Variants in TNFRSF11A observed in about 807,000 individuals in gnomAD.
TNFRSF11A encodes tumor necrosis factor receptor superfamily member 11A.
In TNFRSF11A, 32 loss-of-function variants were observed where a neutral mutation model predicts 55.7. That is an observed-to-expected ratio of 0.57 (90% CI 0.43 to 0.77). TNFRSF11A has a LOEUF of 0.77. Among genes scored for constraint, TNFRSF11A ranks in the 30% least tolerant of loss-of-function variants. TNFRSF11A has a pLI of 0.00. For missense variants in TNFRSF11A, 753 were observed against 809.8 expected (o/e 0.93, Z 0.85); for synonymous variants, 311 against 331.0 (o/e 0.94, Z 0.65).
intron 4 of TNFRSF11A, among the ~76,000 whole-genome samples, chr18:62,355,396 G>A (rs1909185151): frequency 6.6e-6 from 1 of 152,058 alleles, no homozygotes; most frequent in East Asian, 1.9e-4. Context: ...TCCTGCCTCA[G>A]CCTCTTGAAT....
At chr18:62,326,834 G>C (rs922890951) in intron 1 of TNFRSF11A, among the ~76,000 whole-genome samples, 3 of 152,118 alleles carry the variant, frequency 2.0e-5, no homozygotes, top group African/African-American at 7.2e-5. Context: ...CTAGGGGAGC[G>C]AACCTTCTAG....
chr18:62,385,798 T>A lies in TNFRSF11A; in HGVS notation c.*764T>A, dbSNP rs888211936. 28 of 152,418 alleles carry A rather than the reference T, an allele frequency of 1.8e-4. No homozygotes were observed. The highest frequency in any genetic ancestry group is 6.3e-4 in the African/African-American group (26 of 41,580). 9.4% of individuals were successfully genotyped at this position (152,418 alleles called of 1,614,324 possible). A position where few individuals can be genotyped will look rare whatever the true frequency, so the allele number is the denominator to read the frequency against. On this transcript the variant is annotated 3_prime_UTR_variant, in exon 10 of 10. Coordinates refer to ENST00000586569, the MANE Select transcript of TNFRSF11A (RefSeq NM_003839.4). ...CCCCACGCTGGCCTGCTTTACGTAT[T>A]TTCTTTTGTGCCCCTGCTCACAGTG...
rs1911772231 is a variant in TNFRSF11A, at chr18:62,386,880, C to G, written c.*1846C>G. 6.6e-6 allele frequency: 1 copy of G among 152,172 alleles called. No homozygotes were observed. Among genetic ancestry groups the G allele is most frequent in the Admixed American group, 6.5e-5 (1 of 15,272 alleles). The allele number at this position is 152,172 out of a possible 1,614,324, so 9.4% of individuals were successfully genotyped here. On this transcript the variant is annotated 3_prime_UTR_variant, in exon 10 of 10. Coordinates refer to ENST00000586569, the MANE Select transcript of TNFRSF11A (RefSeq NM_003839.4). ...TGGTGGGAATTTACCGTCATTCCTG[C>G]CCTTTTATTTAACATCATCCACAGA...
At chr18:62,326,250 G>T (rs1400427798) in intron 1 of TNFRSF11A, among the ~76,000 whole-genome samples, 1 of 152,182 alleles carries the variant, frequency 6.6e-6, no homozygotes, top group Non-Finnish European at 1.5e-5. Flanking sequence ...TTAACACTAG[G>T]TTAGGCTGCT....
chr18:62,366,146 C>T (rs765671326), intron 7 of TNFRSF11A, among the ~76,000 whole-genome samples: 3 of 152,174 alleles, frequency 2.0e-5, no homozygotes, highest in Non-Finnish European at 4.4e-5. Flanking sequence ...AGTTGATTTA[C>T]TTTTAAATGC....
intron 7 of TNFRSF11A, among the ~76,000 whole-genome samples, chr18:62,364,530 T>C (rs4303637): frequency 0.28 from 42,133 of 151,982 alleles, 6,663 homozygotes; most frequent in East Asian, 0.44. Context: ...ATGGCAGGTC[T>C]GCATGTTTAT....
In TNFRSF11A at chr18:62,366,757, T is replaced by C; in HGVS notation, c.780T>C (p.Asp260=). The C allele has an allele frequency of 6.2e-7, 1 of 1,614,130 alleles. No homozygotes were observed. Among genetic ancestry groups the C allele is most frequent in the Non-Finnish European group, 8.5e-7 (1 of 1,179,986 alleles). Residue 260 remains aspartate (D), a synonymous_variant, in exon 8 of 10, where the codon GAT becomes GAC. Transcript: ENST00000586569. ...INEACGRLSG[D]KESSGDSCVS... is the part of the protein sequence containing the mutation. ...AGGCTTGTGGCCGCCTAAGTGGAGA[T>C]AAGGTAGAGTGAACAGTTGTTGGTG...
intron 9 of TNFRSF11A, among the ~76,000 whole-genome samples, chr18:62,370,956 A>C (rs976637871): frequency 2.0e-5 from 3 of 151,766 alleles, no homozygotes; most frequent in African/African-American, 7.3e-5. Context: ...CAGCCTCCCG[A>C]GTGGCTGGGA....
chr18:62,339,575 A>G (rs909595795), intron 1 of TNFRSF11A, among the ~76,000 whole-genome samples: 1 of 152,152 alleles, frequency 6.6e-6, no homozygotes, highest in African/African-American at 2.4e-5. Context: ...CCTCCTTTAC[A>G]AAAGCTGTGA....
At chr18:62,356,334 T>C (rs1207721696) in intron 4 of TNFRSF11A, among the ~76,000 whole-genome samples, 3 of 152,368 alleles carry the variant, frequency 2.0e-5, no homozygotes, top group African/African-American at 7.2e-5. Flanking sequence ...CCAGATGTGC[T>C]TTCTCTTACA....
rs1293809767 is a variant in TNFRSF11A, at chr18:62,390,310, C to G, written c.*5276C>G. 1 of 152,176 alleles carries G rather than the reference C, an allele frequency of 6.6e-6. No homozygotes were observed. Among genetic ancestry groups the G allele is most frequent in the African/African-American group, 2.4e-5 (1 of 41,420 alleles). 9.4% of individuals were successfully genotyped at this position (152,176 alleles called of 1,614,324 possible). A position where few individuals can be genotyped will look rare whatever the true frequency, so the allele number is the denominator to read the frequency against. On this transcript the variant is annotated 3_prime_UTR_variant, in exon 10 of 10. Coordinates refer to ENST00000586569, the MANE Select transcript of TNFRSF11A (RefSeq NM_003839.4). ...ACACACTGAGGGAAGTAGACTTACC[C>G]AATATAACTTCACATTATACTGTCT... is the stretch of plus-strand genomic sequence containing the variant.
At chr18:62,349,680 G>A in intron 2 of TNFRSF11A, 132 bp from the exon 3 acceptor site, 2 of 1,014,496 alleles carry the variant, frequency 2.0e-6, no homozygotes, top group East Asian at 2.5e-5. Flanking sequence ...TCTTTGGGGG[G>A]TGTCCTGGGA....
At chr18:62,350,563 A>G (rs2046452901) in intron 3 of TNFRSF11A, among the ~76,000 whole-genome samples, 1 of 152,138 alleles carries the variant, frequency 6.6e-6, no homozygotes, top group Non-Finnish European at 1.5e-5. Flanking sequence ...AAGTGCTGGG[A>G]TTACAGGTGT....
At chr18:62,377,006 C>T (rs571989579) in intron 9 of TNFRSF11A, among the ~76,000 whole-genome samples, 7 of 152,266 alleles carry the variant, frequency 4.6e-5, no homozygotes, top group South Asian at 2.1e-4. Context: ...GCCCCGCCTC[C>T]GGGTTCATGC....
intron 3 of TNFRSF11A, 95 bp from the exon 4 acceptor site, chr18:62,354,296 T>G: frequency 7.1e-7 from 1 of 1,418,434 alleles, no homozygotes; most frequent in Non-Finnish European, 9.3e-7. Context: ...GGCGGGCTGC[T>G]GCTCTGGGCT....
At chr18:62,339,131 G>C (rs2046275908) in intron 1 of TNFRSF11A, among the ~76,000 whole-genome samples, 1 of 152,072 alleles carries the variant, frequency 6.6e-6, no homozygotes, top group African/African-American at 2.4e-5. Flanking sequence ...GTTTCATGGT[G>C]CTGCTAAAAA....
Position 62,385,110 on chromosome 18 carries a change from C to T in TNFRSF11A, c.*76C>T. On this transcript the variant is annotated 3_prime_UTR_variant, in exon 10 of 10. Transcript: ENST00000586569. ...CAGCACCGCAGCCTCTGCCCCAGCC[C>T]CGGCCACCCAGGGATCGATCGGTAC... 1 of 1,365,958 alleles carries T rather than the reference C, an allele frequency of 7.3e-7. No individual in the cohort carries two copies. The highest frequency in any genetic ancestry group is 9.4e-7 in the Non-Finnish European group (1 of 1,064,362). The allele number at this position is 1,365,958 out of a possible 1,614,324, so 84.6% of individuals were successfully genotyped here.
chr18:62,379,238 A>G (rs1213524097), intron 9 of TNFRSF11A, among the ~76,000 whole-genome samples: 1 of 152,184 alleles, frequency 6.6e-6, no homozygotes, highest in Non-Finnish European at 1.5e-5. Flanking sequence ...TACTCAATCT[A>G]TCTCCACTCA....
At chr18:62,347,774 C>T (rs890051812) in intron 1 of TNFRSF11A, among the ~76,000 whole-genome samples, 1 of 151,760 alleles carries the variant, frequency 6.6e-6, no homozygotes, top group African/African-American at 2.4e-5. Context: ...TTAGGTGGTG[C>T]GTGGCTATAG....
Sources: allele counts gnomAD v4.1 joint callset (sites outside exome capture counted in the v4.1 genomes callset), GRCh38; gene constraint gnomAD v4.1.1; transcripts MANE v1.5; gene names NCBI Gene and HGNC (gene_info 2026-07-23, HGNC 2026-07-21).